The following ADAMTSL3 variants were observed in gnomAD, a reference collection of about 807,000 sequenced individuals.
The protein encoded by ADAMTSL3 is ADAMTS-like protein 3.
ADAMTSL3 carries 128 observed loss-of-function variants against 201.7 expected under a neutral mutation model. The observed-to-expected ratio is 0.63, with a 90% CI of 0.55 to 0.73. The LOEUF (loss-of-function observed/expected upper bound fraction) is 0.73. ADAMTSL3 is among the 30% of genes least tolerant of loss of function. The pLI is 0.00. For missense variants in ADAMTSL3, 1,990 were observed against 2,119.6 expected (o/e 0.94, Z 1.20); for synonymous variants, 738 against 748.4 (o/e 0.99, Z 0.23).
intron 5 of ADAMTSL3, among the ~76,000 whole-genome samples, chr15:83,816,339 G>C (rs988450592): frequency 2.6e-5 from 4 of 152,226 alleles, no homozygotes; most frequent in Admixed American, 2.6e-4. Context: ...TGGACCAGAT[G>C]TTTGCCTCTG....
At chr15:83,839,970 G>A (rs1348828130) in intron 7 of ADAMTSL3, among the ~76,000 whole-genome samples, 2 of 152,160 alleles carry the variant, frequency 1.3e-5, no homozygotes, top group South Asian at 4.1e-4. Context: ...TTTCTTTGTG[G>A]TTGGAGGGTT....
chr15:83,826,580 A>G (rs1315827773), intron 6 of ADAMTSL3, among the ~76,000 whole-genome samples: 1 of 151,896 alleles, frequency 6.6e-6, no homozygotes, highest in African/African-American at 2.4e-5. Flanking sequence ...TTACATATGT[A>G]TACATGTGCC....
Position 83,873,390 on chromosome 15 carries a change from T to G in ADAMTSL3, c.960+2431T>G, listed in dbSNP as rs1253566806. ...AGTGGCCAAGTCAAGTAGTTGAATT[T>G]GAATTCATTTTTATACCATTGGTTT... On this transcript the variant is annotated intron_variant, in intron 9 of 29. Transcript: ENST00000286744. Among the ~76,000 whole-genome samples the G allele has an allele frequency of 5.5e-5, 8 of 145,692 alleles. 1 individual carries two copies. The highest frequency in any genetic ancestry group is 2.7e-4 in the Admixed American group (4 of 14,882).
At chr15:83,894,244 G>A (rs2065569065) in intron 13 of ADAMTSL3, among the ~76,000 whole-genome samples, 1 of 152,148 alleles carries the variant, frequency 6.6e-6, no homozygotes, top group Non-Finnish European at 1.5e-5. Context: ...GATATCCCCA[G>A]ACTAAACATC....
intron 6 of ADAMTSL3, among the ~76,000 whole-genome samples, chr15:83,822,761 G>C (rs1220019023): frequency 6.6e-6 from 1 of 151,978 alleles, no homozygotes; most frequent in Middle Eastern, 3.4e-3. Context: ...TGGGCGGCCA[G>C]GCAGAGACGC....
chr15:83,987,890 T>C (rs991324111), intron 21 of ADAMTSL3, among the ~76,000 whole-genome samples: 1 of 152,158 alleles, frequency 6.6e-6, no homozygotes, highest in African/African-American at 2.4e-5. Context: ...TATAAACCAC[T>C]GATCCGGGTG....
chr15:83,974,329 A>G (rs1490538822), intron 20 of ADAMTSL3, among the ~76,000 whole-genome samples: 1 of 152,188 alleles, frequency 6.6e-6, no homozygotes, highest in Non-Finnish European at 1.5e-5. Context: ...TCATCTGTAA[A>G]ATGAGAATAG....
At chr15:83,988,943 G>A (rs981882372) in intron 22 of ADAMTSL3, 125 bp downstream of exon 22, 20 of 509,690 alleles carry the variant, frequency 3.9e-5, no homozygotes, top group East Asian at 1.1e-4. Context: ...GTGCAGTGGC[G>A]TGATCTCGGC....
At chr15:83,854,181 C>T (rs1382755109) in intron 7 of ADAMTSL3, among the ~76,000 whole-genome samples, 1 of 152,074 alleles carries the variant, frequency 6.6e-6, no homozygotes, top group East Asian at 1.9e-4. Context: ...TTGAACTGGT[C>T]AAGGCTCACT....
chr15:83,838,440 T>G (rs2064318331), intron 7 of ADAMTSL3, among the ~76,000 whole-genome samples: 1 of 152,238 alleles, frequency 6.6e-6, no homozygotes, highest in African/African-American at 2.4e-5. Flanking sequence ...ATGCAGGGTA[T>G]TACTGTTTTA....
At chr15:83,681,599 C>A (rs1337233549) in intron 2 of ADAMTSL3, among the ~76,000 whole-genome samples, 1 of 152,194 alleles carries the variant, frequency 6.6e-6, no homozygotes, top group African/African-American at 2.4e-5. Context: ...GTTGACATTT[C>A]TCTGATTGGT....
intron 8 of ADAMTSL3, chr15:83,862,796 A>C (rs1236962002): frequency 6.6e-6 from 1 of 152,234 alleles, no homozygotes; most frequent in Non-Finnish European, 1.5e-5. Flanking sequence ...AAATGGGCTA[A>C]ATACCCCACT....
chr15:83,704,295 A>C, intron 2 of ADAMTSL3, 94 bp from the exon 3 acceptor site: 5 of 1,563,134 alleles, frequency 3.2e-6, no homozygotes, highest in East Asian at 2.2e-5. Flanking sequence ...ACAGCTATTA[A>C]TGGTGGATTC....
rs1280349419 is a variant in ADAMTSL3, at chr15:83,892,906, G to T, written c.1467+18G>T. Reference sequence around the variant, plus strand: ...GGTCTCAGGTAAGATTTGAGAATATGCCACTTTTAATTAATTCTCATATTT... The same window carrying T: ...GGTCTCAGGTAAGATTTGAGAATATTCCACTTTTAATTAATTCTCATATTT... On this transcript the variant is annotated intron_variant, in intron 13 of 29. Transcript: ENST00000286744. 2 of 1,600,722 alleles carry T rather than the reference G, an allele frequency of 1.2e-6. No homozygotes were observed. Among genetic ancestry groups the T allele is most frequent in the African/African-American group, 2.7e-5 (2 of 74,542 alleles).
chr15:84,023,792 C>T (rs1300742018), intron 26 of ADAMTSL3, among the ~76,000 whole-genome samples: 1 of 152,212 alleles, frequency 6.6e-6, no homozygotes, highest in Non-Finnish European at 1.5e-5. Flanking sequence ...AATCCCAGAT[C>T]CCTCTACATC....
chr15:83,670,645 T>A (rs1469332471), intron 2 of ADAMTSL3, among the ~76,000 whole-genome samples: 2 of 152,214 alleles, frequency 1.3e-5, no homozygotes, highest in Non-Finnish European at 2.9e-5. Context: ...TAAGACCTAA[T>A]CAATTCATTT....
At chr15:83,797,226 G>A (rs2063440876) in intron 4 of ADAMTSL3, among the ~76,000 whole-genome samples, 1 of 152,056 alleles carries the variant, frequency 6.6e-6, no homozygotes, top group Non-Finnish European at 1.5e-5. Flanking sequence ...AGAAAAGTGG[G>A]CAAAGAATAT....
intron 19 of ADAMTSL3, among the ~76,000 whole-genome samples, chr15:83,951,159 T>A (rs888805024): frequency 2.6e-5 from 4 of 152,068 alleles, no homozygotes; most frequent in Non-Finnish European, 2.9e-5. Flanking sequence ...GGGTCTGTCA[T>A]ACATGGCTTT....
At chr15:83,702,920 C>T (rs775019937) in intron 2 of ADAMTSL3, among the ~76,000 whole-genome samples, 18 of 152,154 alleles carry the variant, frequency 1.2e-4, no homozygotes, top group South Asian at 2.1e-4. Flanking sequence ...CCATGTTCCT[C>T]GAAGAGCCAC....
Sources: gnomAD v4.1 joint callset for allele counts (sites outside exome capture counted in the v4.1 genomes callset) on GRCh38, gnomAD v4.1.1 for gene constraint, MANE v1.5 for transcripts, NCBI Gene and HGNC (gene_info 2026-07-23, HGNC 2026-07-21) for gene names.